Variants in MICU3 observed in about 807,000 individuals in gnomAD.
The protein encoded by MICU3 is mitochondrial calcium uptake 3.
A neutral mutation model predicts 66.5 loss-of-function variants in MICU3; 62 were observed. The observed-to-expected ratio is 0.93, with a 90% CI of 0.76 to 1.15. The LOEUF is 1.15. Among genes scored for constraint, MICU3 ranks in the 50% most tolerant of loss-of-function variants. The probability of loss-of-function intolerance (pLI) is 0.00; values close to 1 mark genes in which losing one functional copy is unlikely to be tolerated. For synonymous variants in MICU3, 308 were observed against 240.7 expected, an observed-to-expected ratio of 1.28 and a Z score of -2.59; for missense variants, 779 against 664.4, an observed-to-expected ratio of 1.17 and a Z score of -1.90.
chr8:17,118,568 C>A, intron 13 of MICU3, 139 bp from the exon 14 acceptor site: 1 of 487,824 alleles, frequency 2.0e-6, no homozygotes, highest in East Asian at 3.2e-5. Context: ...CTCCCCAGTC[C>A]CCCAGCCTTC....
rs778164115 is a variant in MICU3 at position 17,027,420 on chromosome 8, G to A, written c.141G>A (p.Glu47=). The A allele has an allele frequency of 3.6e-6, 5 of 1,380,764 alleles. No homozygotes were observed. Among genetic ancestry groups the A allele is most frequent in the Non-Finnish European group, 4.7e-6 (5 of 1,072,606 alleles). 85.5% of individuals were successfully genotyped at this position (1,380,764 alleles called of 1,614,324 possible). Residue 47 remains glutamate (E), a synonymous_variant, in exon 1 of 15, where the codon GAG becomes GAA. Transcript: ENST00000318063. ...GLPGRPFSSR[E]DEERAVAEAA... ...CTGGCCGGCCCTTCTCCTCCCGAGA[G>A]GATGAGGAGAGGGCTGTGGCGGAGG...
intron 5 of MICU3, among the ~76,000 whole-genome samples, chr8:17,082,326 G>A (rs1364641479): frequency 6.6e-6 from 1 of 151,990 alleles, no homozygotes; most frequent in Non-Finnish European, 1.5e-5. Flanking sequence ...TCTGCTTCCT[G>A]TGCCATCAGT....
intron 1 of MICU3, among the ~76,000 whole-genome samples, chr8:17,057,370 C>T (rs899277445): frequency 2.6e-5 from 4 of 152,054 alleles, no homozygotes; most frequent in African/African-American, 7.2e-5. Flanking sequence ...ACATAACAGG[C>T]GACACCCTGA....
downstream of MICU3, among the ~76,000 whole-genome samples, chr8:17,123,259 T>A (rs1803307090): frequency 6.6e-6 from 1 of 152,124 alleles, no homozygotes; most frequent in African/African-American, 2.4e-5. Flanking sequence ...ATAATCAGTA[T>A]TTTTGGCACA....
chr8:17,096,180 C>T (rs954984891), intron 8 of MICU3, among the ~76,000 whole-genome samples: 3 of 151,946 alleles, frequency 2.0e-5, no homozygotes, highest in African/African-American at 7.2e-5. Flanking sequence ...ATCAAAGCAT[C>T]ATAGTTGTCT....
chr8:17,085,479 A>T (rs1487875429), intron 6 of MICU3, among the ~76,000 whole-genome samples, 161 bp downstream of exon 6: 1 of 152,118 alleles, frequency 6.6e-6, no homozygotes, highest in Non-Finnish European at 1.5e-5. Flanking sequence ...TTTGAACAAT[A>T]TTTACATTTT....
the MICU3 span, chr8:17,132,482 A>G: frequency 7.2e-5 from 11 of 152,158 alleles, no homozygotes; most frequent in African/African-American, 2.7e-4. Context: ...GAGTACTAAT[A>G]TACACCCCAA....
intron 1 of MICU3, among the ~76,000 whole-genome samples, chr8:17,058,504 A>G (rs1188085230): frequency 6.6e-6 from 1 of 152,190 alleles, no homozygotes; most frequent in Admixed American, 6.5e-5. Context: ...AAACTGGTTT[A>G]ATGTCATGTT....
At chr8:17,095,244 C>G (rs1378339740) in intron 8 of MICU3, among the ~76,000 whole-genome samples, 4 of 151,876 alleles carry the variant, frequency 2.6e-5, no homozygotes, top group African/African-American at 9.7e-5. Flanking sequence ...TTGTCTTTAG[C>G]AGTTTTGTGT....
chr8:17,028,078 G>C lies in MICU3; in HGVS notation c.381+418G>C, dbSNP rs186807987. On this transcript the variant is annotated intron_variant, in intron 1 of 14. Coordinates refer to ENST00000318063, the MANE Select transcript of MICU3 (RefSeq NM_181723.3). ...GCATTAGAATGAGTTTCGAAGCAGC[G>C]GTCTGAGATCTCAAAAGCCACTACT... Among the ~76,000 whole-genome samples the C allele has an allele frequency of 1.8e-4, 28 of 152,288 alleles. No homozygotes were observed. In the East Asian group the frequency reaches 3.7e-3, roughly 20 times the overall value.
chr8:17,125,733 A>G (rs2150852934), downstream of MICU3, among the ~76,000 whole-genome samples: 1 of 152,154 alleles, frequency 6.6e-6, no homozygotes, highest in Non-Finnish European at 1.5e-5. Context: ...CTCCTTGTGC[A>G]TATAACACCT....
chr8:17,121,853 GC>G lies in MICU3; in HGVS notation c.*1567del, dbSNP rs1803218660. 6.6e-6 allele frequency: 1 copy of G among 151,770 alleles called. No homozygotes were observed. Among genetic ancestry groups the G allele is most frequent in the Admixed American group, 6.6e-5 (1 of 15,258 alleles). The allele number at this position is 151,770 out of a possible 1,614,324, so 9.4% of individuals were successfully genotyped here. On this transcript the variant is annotated 3_prime_UTR_variant, in exon 15 of 15. Coordinates refer to ENST00000318063, the MANE Select transcript of MICU3 (RefSeq NM_181723.3). The stretch of plus-strand genomic sequence containing the variant: ...ATAGTATAAGAATATAATTTCACTT[GC>G]TTTGAAAGTTGATTTAATTGACTGA...
chr8:17,056,379 T>G (rs1453698360), intron 1 of MICU3, among the ~76,000 whole-genome samples: 1 of 152,208 alleles, frequency 6.6e-6, no homozygotes, highest in Non-Finnish European at 1.5e-5. Flanking sequence ...ATGCTGCATC[T>G]CCCATACCTT....
chr8:17,048,123 G>A (rs1294046845), intron 1 of MICU3, among the ~76,000 whole-genome samples: 1 of 151,888 alleles, frequency 6.6e-6, no homozygotes, highest in Non-Finnish European at 1.5e-5. Context: ...GATATTTAGA[G>A]GAATATATAT....
chr8:17,098,461 C>G lies in MICU3; in HGVS notation c.892C>G (p.Leu298Val). Residue 298 changes from leucine to valine, a missense_variant, in exon 9 of 15, where the codon CTT becomes GTT. Physicochemically the swap from Leu to Val is conservative, Grantham distance 32. Transcript: ENST00000318063. ...YGYHSPTNSV[L>V]KTDAEELVSR... is the part of the protein sequence containing the mutation. ...GTGCTTCTTAAAACTTCTACAGGTA[C>G]TTAAAACAGATGCTGAGGAACTTGT... The G allele has an allele frequency of 6.2e-7, 1 of 1,602,120 alleles. No individual in the cohort carries two copies. The highest frequency in any genetic ancestry group is 8.6e-7 in the Non-Finnish European group (1 of 1,169,580).
At chr8:17,080,619 G>T (rs192562301) in intron 4 of MICU3, among the ~76,000 whole-genome samples, 1 of 151,968 alleles carries the variant, frequency 6.6e-6, no homozygotes, top group East Asian at 1.9e-4. Context: ...GACCATTCCA[G>T]AATCTTTCTC....
chr8:17,137,864 G>A, the MICU3 span, among the ~76,000 whole-genome samples: 18 of 151,326 alleles, frequency 1.2e-4, no homozygotes, highest in Non-Finnish European at 2.1e-4. Flanking sequence ...CTACAGGTGC[G>A]CACCACCACG....
intron 1 of MICU3, among the ~76,000 whole-genome samples, chr8:17,040,763 C>T (rs1334996533): frequency 1.3e-5 from 2 of 152,068 alleles, no homozygotes; most frequent in Non-Finnish European, 2.9e-5. Flanking sequence ...ATGGTAGTCC[C>T]ACTGTATCTG....
chr8:17,114,047 A>C, intron 11 of MICU3, 46 bp from the exon 12 acceptor site: 1 of 1,156,270 alleles, frequency 8.6e-7, no homozygotes. Context: ...TGATTTTAAT[A>C]AATTTGGCAA....
Sources: gnomAD v4.1 joint callset for allele counts (sites outside exome capture counted in the v4.1 genomes callset) on GRCh38, gnomAD v4.1.1 for gene constraint, MANE v1.5 for transcripts, NCBI Gene and HGNC (gene_info 2026-07-23, HGNC 2026-07-21) for gene names.